NDUFAF6: variants seen among roughly 807,000 people sequenced by gnomAD.
NDUFAF6 encodes NADH:ubiquinone oxidoreductase complex assembly factor 6, also known as NADH dehydrogenase (ubiquinone) complex I, assembly factor 6.
Under a neutral mutation model 40.8 loss-of-function variants are expected in NDUFAF6, and 45 were observed. The ratio of observed to expected loss-of-function variants is 1.10; its 90% CI spans 0.87 to 1.42. The LOEUF is 1.42. NDUFAF6 is among the 40% of genes most tolerant of loss of function. The probability of loss-of-function intolerance (pLI) is 0.00; values close to 1 mark genes in which losing one functional copy is unlikely to be tolerated. For missense variants in NDUFAF6, 435 were observed against 418.5 expected (o/e 1.04, Z -0.34); for synonymous variants, 185 against 155.9 (o/e 1.19, Z -1.39).
Position 95,041,742 on chromosome 8 carries a change from A to T in NDUFAF6, c.477+116A>T, listed in dbSNP as rs1830170429. On this transcript the variant is annotated intron_variant, in intron 4 of 8. Transcript: ENST00000396124. ...AATATTTTGGAGGAAGGAAACTTTT[A>T]GAGAATTATGCCATTTTATTCATAC... The T allele has an allele frequency of 3.4e-6, 3 of 880,524 alleles. No individual in the cohort carries two copies. The Admixed American group carries it at 5.5e-5, about 16-fold the overall frequency. The allele number at this position is 880,524 out of a possible 1,614,324, so 54.5% of individuals were successfully genotyped here. A position where few individuals can be genotyped will look rare whatever the true frequency, so the allele number is the denominator to read the frequency against.
intron 2 of NDUFAF6, among the ~76,000 whole-genome samples, chr8:95,015,218 A>G (rs773115292): frequency 6.6e-6 from 1 of 152,150 alleles, no homozygotes; most frequent in Non-Finnish European, 1.5e-5. Context: ...GCAGTGTACA[A>G]CCTGAGAGGC....
At chr8:94,977,259 C>T (rs562692595) in intron 1 of NDUFAF6, among the ~76,000 whole-genome samples, 2 of 151,906 alleles carry the variant, frequency 1.3e-5, no homozygotes, top group Admixed American at 6.6e-5. Context: ...TGCCTGTAAT[C>T]CCAGTGCTTT....
intron 1 of NDUFAF6, among the ~76,000 whole-genome samples, chr8:94,897,419 T>TA (rs1165697603): frequency 3.3e-5 from 5 of 152,134 alleles, no homozygotes; most frequent in Non-Finnish European, 5.9e-5. Context: ...GTGGGTCTGT[T>TA]AAAAAAAGAG....
intron 1 of NDUFAF6, among the ~76,000 whole-genome samples, chr8:94,901,833 C>T (rs1818038165): frequency 6.6e-6 from 1 of 152,112 alleles, no homozygotes; most frequent in Non-Finnish European, 1.5e-5. Flanking sequence ...GATCCGCTGG[C>T]CTCAGCCTCC....
At chr8:94,919,721 C>T (rs1819372674) in intron 1 of NDUFAF6, among the ~76,000 whole-genome samples, 1 of 152,212 alleles carries the variant, frequency 6.6e-6, no homozygotes, top group Non-Finnish European at 1.5e-5. Context: ...CTCCTGGAAA[C>T]AGGTCAATAT....
intron 9 of NDUFAF6, chr8:95,068,184 G>A (rs1255362224): frequency 1.3e-5 from 2 of 151,814 alleles, no homozygotes; most frequent in East Asian, 3.9e-4. Flanking sequence ...TTGTTCCTTG[G>A]ATCGCAAAGT....
At chr8:94,944,103 T>C (rs1821788813) in intron 1 of NDUFAF6, among the ~76,000 whole-genome samples, 1 of 152,246 alleles carries the variant, frequency 6.6e-6, no homozygotes, top group South Asian at 2.1e-4. Flanking sequence ...AGGCAGATAT[T>C]GGCCCCACGT....
chr8:94,956,478 G>A (rs1823083156), upstream of NDUFAF6, among the ~76,000 whole-genome samples: 1 of 152,188 alleles, frequency 6.6e-6, no homozygotes, highest in Non-Finnish European at 1.5e-5. Flanking sequence ...TGCAGTGAGG[G>A]AAAGAGACTG....
intron 7 of NDUFAF6, among the ~76,000 whole-genome samples, chr8:95,051,834 A>G (rs1359095571): frequency 1.3e-5 from 2 of 152,170 alleles, no homozygotes; most frequent in African/African-American, 4.8e-5. Context: ...CAGGAGAGAA[A>G]GTCAGTCTAA....
intron 1 of NDUFAF6, among the ~76,000 whole-genome samples, chr8:94,901,089 G>A (rs1204658227): frequency 6.6e-6 from 1 of 152,162 alleles, no homozygotes; most frequent in Non-Finnish European, 1.5e-5. Context: ...AGACATTTGA[G>A]CAGAGAACTA....
intron 1 of NDUFAF6, among the ~76,000 whole-genome samples, chr8:94,978,196 C>T (rs1472496038): frequency 1.3e-5 from 2 of 152,128 alleles, no homozygotes; most frequent in African/African-American, 4.8e-5. Flanking sequence ...CCCCTATTCT[C>T]CAGGAAGGGG....
intron 1 of NDUFAF6, among the ~76,000 whole-genome samples, chr8:94,966,207 G>T (rs1337205732): frequency 2.6e-5 from 4 of 152,178 alleles, no homozygotes; most frequent in Admixed American, 6.5e-5. Context: ...CCTGGGGAGA[G>T]CATGCGGGGG....
At chr8:95,060,253 T>C (rs1003110473), downstream of NDUFAF6, among the ~76,000 whole-genome samples, 1 of 152,232 alleles carries the variant, frequency 6.6e-6, no homozygotes, top group Non-Finnish European at 1.5e-5. Flanking sequence ...CCTTAGATGA[T>C]GCTGGCATTC....
chr8:94,912,855 T>C (rs1476147443), intron 1 of NDUFAF6, among the ~76,000 whole-genome samples: 1 of 150,220 alleles, frequency 6.7e-6, no homozygotes, highest in Non-Finnish European at 1.5e-5. Context: ...GGCACATGCC[T>C]GTAGTCCCAG....
chr8:95,026,248 G>A (rs967429889), intron 1 of NDUFAF6, among the ~76,000 whole-genome samples: 1 of 152,162 alleles, frequency 6.6e-6, no homozygotes, highest in African/African-American at 2.4e-5. Context: ...CCGGTGGGTT[G>A]TTTGAGCCCA....
At chr8:94,981,904 A>G (rs1321219200) in intron 2 of NDUFAF6, among the ~76,000 whole-genome samples, 1 of 151,048 alleles carries the variant, frequency 6.6e-6, no homozygotes, top group Non-Finnish European at 1.5e-5. Flanking sequence ...CTCCAATCTA[A>G]ATGACAGAGT....
chr8:94,920,524 A>G (rs1819426951), intron 1 of NDUFAF6, among the ~76,000 whole-genome samples: 1 of 152,232 alleles, frequency 6.6e-6, no homozygotes, highest in Non-Finnish European at 1.5e-5. Context: ...TGGAGCAGTG[A>G]TTGCAGTCCC....
chr8:95,096,563 TAG>T, upstream of NDUFAF6, among the ~76,000 whole-genome samples: 1 of 152,198 alleles, frequency 6.6e-6, no homozygotes, highest in Admixed American at 6.5e-5. Context: ...CTGATGAGGT[TAG>T]TATCATTCTT....
intron 1 of NDUFAF6, among the ~76,000 whole-genome samples, chr8:94,915,593 G>C (rs775225166): frequency 2.0e-5 from 3 of 152,130 alleles, no homozygotes; most frequent in Non-Finnish European, 4.4e-5. Context: ...CCCAGTATTG[G>C]GATTGTTGGG....
Sources: allele counts gnomAD v4.1 joint callset (sites outside exome capture counted in the v4.1 genomes callset), GRCh38; gene constraint gnomAD v4.1.1; transcripts MANE v1.5; gene names NCBI Gene and HGNC (gene_info 2026-07-23, HGNC 2026-07-21).